Variants in ARL8A observed in about 807,000 individuals in gnomAD.
ARL8A encodes the protein ADP-ribosylation factor-like protein 8A.
ARL8A carries 10 observed loss-of-function variants against 31.2 expected under a neutral mutation model. The ratio of observed to expected loss-of-function variants is 0.32; its 90% CI spans 0.20 to 0.54. The LOEUF (loss-of-function observed/expected upper bound fraction) is 0.54. ARL8A is among the 20% of genes least tolerant of loss of function. The probability of loss-of-function intolerance (pLI) is 0.93; values close to 1 mark genes in which losing one functional copy is unlikely to be tolerated. For missense variants in ARL8A, 129 were observed against 242.8 expected (o/e 0.53, Z 3.12); for synonymous variants, 70 against 86.9 (o/e 0.81, Z 1.08).
Position 202,134,503 on chromosome 1 carries a change from C to G in ARL8A, c.525G>C (p.Gln175His). ...KEKDNIDITL[Q>H]WLIQHSKSRR... ...GTGACTTCGAGTGTTGAATAAGCCA[C>G]TGTAGGGTGATGTCTGATAGGAGAA... The change falls in exon 7 of 7, where the codon CAG becomes CAC. Residue 175 changes from glutamine (Q) to histidine (H), a missense_variant. Transcript: ENST00000272217. The surrounding 1 kb of genome is among the most constrained non-coding windows in gnomAD (Gnocchi z 4.2). 6.2e-7 allele frequency: 1 copy of G among 1,613,394 alleles called. No individual in the cohort carries two copies. The highest frequency in any genetic ancestry group is 8.5e-7 in the Non-Finnish European group (1 of 1,179,418).
In ARL8A at chr1:202,135,327, G is replaced by A; in HGVS notation, c.441-107C>T. On this transcript the variant is annotated intron_variant, in intron 5 of 6. Transcript: ENST00000272217. The surrounding 1 kb of genome is among the most constrained non-coding windows in gnomAD (Gnocchi z 5.3). ...TACCTAAGAGGCTACAAAGGGGAGG[G>A]TGAGGTGCCTGAAAAGGTCGGCTCT... 2.1e-6 allele frequency: 3 copies of A among 1,447,150 alleles called. No individual in the cohort carries two copies. Among genetic ancestry groups the A allele is most frequent in the Non-Finnish European group, 2.9e-6 (3 of 1,029,408 alleles). 89.6% of individuals were successfully genotyped at this position (1,447,150 alleles called of 1,614,324 possible). A position where few individuals can be genotyped will look rare whatever the true frequency, so the allele number is the denominator to read the frequency against.
chr1:202,144,596 G>C lies in ARL8A; in HGVS notation c.-24C>G. ...ATGGTCGCTGCCGCCGGCCCCGCCCGGTGCCAGGTCCCCGCCGCCCCTCGC... is the reference window on the plus strand; with the variant it reads ...ATGGTCGCTGCCGCCGGCCCCGCCCCGTGCCAGGTCCCCGCCGCCCCTCGC... On this transcript the variant is annotated 5_prime_UTR_variant, in exon 1 of 7. Transcript: ENST00000272217. This position sits in a 1 kb window ranked among gnomAD's most constrained non-coding sequence, Gnocchi z 5.2. 7.2e-7 allele frequency: 1 copy of C among 1,396,428 alleles called. No homozygotes were observed. The highest frequency in any genetic ancestry group is 9.5e-7 in the Non-Finnish European group (1 of 1,052,296). The allele number at this position is 1,396,428 out of a possible 1,614,324, so 86.5% of individuals were successfully genotyped here. A position where few individuals can be genotyped will look rare whatever the true frequency, so the allele number is the denominator to read the frequency against.
chr1:202,136,885 C>T (rs1031785873), intron 3 of ARL8A, among the ~76,000 whole-genome samples: 1 of 151,246 alleles, frequency 6.6e-6, no homozygotes, highest in Non-Finnish European at 1.5e-5. Context: ...GACAGAGTCT[C>T]GCTTTGTCGC....
intron 1 of ARL8A, among the ~76,000 whole-genome samples, chr1:202,143,444 G>A (rs1166561308): frequency 2.0e-5 from 3 of 152,188 alleles, no homozygotes. Context: ...TCACAGTTGT[G>A]GGAAACCTCA....
intron 3 of ARL8A, among the ~76,000 whole-genome samples, chr1:202,136,481 A>G (rs777746546): frequency 6.6e-6 from 1 of 152,032 alleles, no homozygotes; most frequent in South Asian, 2.1e-4. Context: ...GGGTTTCACC[A>G]TGTTAGCCAG....
Position 202,135,412 on chromosome 1 carries a change from T to C in ARL8A, c.440+47A>G, listed in dbSNP as rs781186281. 53 of 1,595,082 alleles carry C rather than the reference T, an allele frequency of 3.3e-5. No homozygotes were observed. The highest frequency in any genetic ancestry group is 4.6e-5 in the Non-Finnish European group (53 of 1,162,896). ...CAAGCCTAGGCTGTTGGTCTGGTGG[T>C]TGGGGAATTGGGAGAGCAGAAAGTA... On this transcript the variant is annotated intron_variant, in intron 5 of 6. Transcript: ENST00000272217. This position sits in a 1 kb window ranked among gnomAD's most constrained non-coding sequence, Gnocchi z 5.3.
chr1:202,136,154 A>T (rs1433422714), intron 3 of ARL8A, among the ~76,000 whole-genome samples: 1 of 152,210 alleles, frequency 6.6e-6, no homozygotes, highest in Admixed American at 6.5e-5. Context: ...GAGTGAAAAA[A>T]GCAAAGGAAA....
At chr1:202,136,959 A>G (rs1375567723) in intron 3 of ARL8A, among the ~76,000 whole-genome samples, 2 of 151,946 alleles carry the variant, frequency 1.3e-5, no homozygotes, top group East Asian at 3.9e-4. Context: ...GGTTCACGCC[A>G]TTCTCCTGCC....
intron 1 of ARL8A, among the ~76,000 whole-genome samples, chr1:202,140,153 G>A (rs1252318755): frequency 6.2e-5 from 9 of 145,082 alleles, no homozygotes; most frequent in Middle Eastern, 3.8e-3. Flanking sequence ...TTTTTGAGAC[G>A]GAGTCTCACT....
Position 202,144,068 on chromosome 1 carries a change from C to T in ARL8A, c.123+382G>A, listed in dbSNP as rs552207934. ...CCCTCTACCCGCGGGACAGGAAGGC[C>T]CGTGCACTTTCGCCCCGTCATGCCC... On this transcript the variant is annotated intron_variant, in intron 1 of 6. Coordinates refer to ENST00000272217, the MANE Select transcript of ARL8A (RefSeq NM_138795.4). This position sits in a 1 kb window ranked among gnomAD's most constrained non-coding sequence, Gnocchi z 5.2. Among the ~76,000 whole-genome samples, 1 of 152,200 alleles carries T rather than the reference C, an allele frequency of 6.6e-6. No homozygotes were observed. The highest frequency in any genetic ancestry group is 2.4e-5 in the African/African-American group (1 of 41,466).
chr1:202,135,426 GAGC>G lies in ARL8A; in HGVS notation c.440+30_440+32del. ...TGGTCTGGTGGTTGGGGAATTGGGA[GAGC>G]AGAAAGTAATATAGAGTCACCCAAC... On this transcript the variant is annotated intron_variant, in intron 5 of 6. Coordinates refer to ENST00000272217, the MANE Select transcript of ARL8A (RefSeq NM_138795.4). This position sits in a 1 kb window ranked among gnomAD's most constrained non-coding sequence, Gnocchi z 5.3. 6.2e-7 allele frequency: 1 copy of G among 1,605,602 alleles called. No individual in the cohort carries two copies. The highest frequency in any genetic ancestry group is 8.5e-7 in the Non-Finnish European group (1 of 1,172,346).
rs756782284 is a variant in ARL8A at position 202,134,244 on chromosome 1, C to A, written c.*223G>T. On this transcript the variant is annotated 3_prime_UTR_variant, in exon 7 of 7. Transcript: ENST00000272217. This position sits in a 1 kb window ranked among gnomAD's most constrained non-coding sequence, Gnocchi z 4.2. ...GGGCTGGGTGATGGGACAAAGGCAG[C>A]GGGGAAGGGTGAGAAGTTAGGGGAC... 1.8e-6 allele frequency: 1 copy of A among 550,976 alleles called. No homozygotes were observed. Among genetic ancestry groups the A allele is most frequent in the Non-Finnish European group, 3.3e-6 (1 of 306,094 alleles). The allele number at this position is 550,976 out of a possible 1,614,324, so 34.1% of individuals were successfully genotyped here.
At chr1:202,143,920 A>C (rs893141318) in intron 1 of ARL8A, among the ~76,000 whole-genome samples, 16 of 151,668 alleles carry the variant, frequency 1.1e-4, no homozygotes, top group Admixed American at 3.3e-4. Context: ...CCCGGGGGAT[A>C]CCTCCCCTCC....
intron 3 of ARL8A, among the ~76,000 whole-genome samples, chr1:202,136,714 T>A (rs563327567): frequency 1.3e-5 from 2 of 151,828 alleles, no homozygotes. Context: ...GGACTACAGG[T>A]GCGTGCTACC....
Position 202,144,426 on chromosome 1 carries a change from AC to A in ARL8A, c.123+23del. 2 of 1,369,390 alleles carry A rather than the reference AC, an allele frequency of 1.5e-6. No individual in the cohort carries two copies. 84.8% of individuals were successfully genotyped at this position (1,369,390 alleles called of 1,614,324 possible). ...CCCGACCCGCGGCCCGCGCCCGGGGACCCCGCGCCCGACGCCCTCGTACCGC... is the reference window on the plus strand; with the variant it reads ...CCCGACCCGCGGCCCGCGCCCGGGGACCCGCGCCCGACGCCCTCGTACCGC... On this transcript the variant is annotated intron_variant, in intron 1 of 6. Transcript: ENST00000272217. The surrounding 1 kb of genome is among the most constrained non-coding windows in gnomAD (Gnocchi z 5.2).
intron 1 of ARL8A, among the ~76,000 whole-genome samples, chr1:202,141,462 C>A (rs186868688): frequency 5.9e-5 from 9 of 151,822 alleles, no homozygotes; most frequent in Admixed American, 3.9e-4. Flanking sequence ...GCCAACATGA[C>A]GAAACCCCAT....
rs1378216361 is a variant in ARL8A at position 202,138,073 on chromosome 1, G to A, written c.205-35C>T. On this transcript the variant is annotated intron_variant, in intron 2 of 6. Transcript: ENST00000272217. This position sits in a 1 kb window ranked among gnomAD's most constrained non-coding sequence, Gnocchi z 4.4. Reference sequence around the variant, plus strand: ...AAGAGGGTGAGATAGCCTCAGTAGTGGGCAGGCCACCAAAACGTGTCTTGG... The same window carrying A: ...AAGAGGGTGAGATAGCCTCAGTAGTAGGCAGGCCACCAAAACGTGTCTTGG... 3.7e-6 allele frequency: 6 copies of A among 1,612,272 alleles called. No individual in the cohort carries two copies. Among genetic ancestry groups the A allele is most frequent in the Non-Finnish European group, 4.2e-6 (5 of 1,179,002 alleles).
rs948675895 is a variant in ARL8A, at chr1:202,135,999, G to C, written c.279-199C>G. ...GTCTATGGGAGTGAACAGCTGCAGG[G>C]ACTCCTTAGGCCTGCCATTAGCCTC... On this transcript the variant is annotated intron_variant, in intron 3 of 6. Transcript: ENST00000272217. The surrounding 1 kb of genome is among the most constrained non-coding windows in gnomAD (Gnocchi z 5.3). 2.0e-5 allele frequency among the ~76,000 whole-genome samples: 3 copies of C among 152,128 alleles called. No individual in the cohort carries two copies. The highest frequency in any genetic ancestry group is 4.4e-5 in the Non-Finnish European group (3 of 68,036).
intron 3 of ARL8A, among the ~76,000 whole-genome samples, chr1:202,137,045 A>G (rs1421079877): frequency 6.6e-6 from 1 of 151,658 alleles, no homozygotes; most frequent in East Asian, 2.0e-4. Flanking sequence ...TTTGGTAGAG[A>G]CAGGGTTTCA....
Sources: gnomAD v4.1 joint callset for allele counts (sites outside exome capture counted in the v4.1 genomes callset) on GRCh38, gnomAD v4.1.1 for gene constraint, Gnocchi (gnomAD v3.1) non-coding constraint, MANE v1.5 for transcripts, NCBI Gene and HGNC (gene_info 2026-07-23, HGNC 2026-07-21) for gene names.